The following TMEM178B variants were observed in gnomAD, a reference collection of about 807,000 sequenced individuals.
TMEM178B encodes the protein transmembrane protein 178B.
In TMEM178B, 5 loss-of-function variants were observed where a neutral mutation model predicts 31.0. The observed-to-expected ratio is 0.16, with a 90% CI of 0.08 to 0.34. The LOEUF (loss-of-function observed/expected upper bound fraction) is 0.34. TMEM178B is among the 10% of genes least tolerant of loss of function. The pLI is 1.00. For synonymous variants in TMEM178B, 164 were observed against 164.0 expected, an observed-to-expected ratio of 1.00 and a Z score of 0.00; for missense variants, 275 against 400.3, an observed-to-expected ratio of 0.69 and a Z score of 2.67.
chr7:141,403,721 A>T (rs967121343), intron 2 of TMEM178B, among the ~76,000 whole-genome samples: 8 of 152,218 alleles, frequency 5.3e-5, no homozygotes, highest in African/African-American at 1.9e-4. Context: ...CTCAATCATT[A>T]ATAGCTAGTC....
the TMEM178B span, among the ~76,000 whole-genome samples, chr7:141,491,875 C>T: frequency 1.3e-5 from 2 of 152,162 alleles, no homozygotes; most frequent in South Asian, 2.1e-4. Context: ...GCCTCCTCAT[C>T]TCTCCCCTGG....
intron 2 of TMEM178B, among the ~76,000 whole-genome samples, chr7:141,284,854 G>A (rs952761344): frequency 6.6e-6 from 1 of 152,142 alleles, no homozygotes; most frequent in African/African-American, 2.4e-5. Context: ...GAAACTGTGT[G>A]ATCAAAGGGG....
the TMEM178B span, among the ~76,000 whole-genome samples, chr7:141,506,870 G>A: frequency 6.6e-6 from 1 of 152,116 alleles, no homozygotes; most frequent in African/African-American, 2.4e-5. Context: ...ACAGGTATTG[G>A]GTAAATACAG....
rs573374233 is a variant in TMEM178B, at chr7:141,475,266, C to T, written c.*4480C>T. ...AACCCCACCAGAGTTGACATACACACGTGATTCTCGTGTCTGTCTCTCAAA... is the reference window on the plus strand; with the variant it reads ...AACCCCACCAGAGTTGACATACACATGTGATTCTCGTGTCTGTCTCTCAAA... On this transcript the variant is annotated 3_prime_UTR_variant, in exon 4 of 4. Coordinates refer to ENST00000565468, the MANE Select transcript of TMEM178B (RefSeq NM_001195278.2). 2 of 152,276 alleles carry T rather than the reference C, an allele frequency of 1.3e-5. No homozygotes were observed. Among genetic ancestry groups the T allele is most frequent in the East Asian group, 1.9e-4 (1 of 5,178 alleles). The allele number at this position is 152,276 out of a possible 1,614,324, so 9.4% of individuals were successfully genotyped here.
At chr7:141,113,213 T>G (rs1303339306) in intron 1 of TMEM178B, among the ~76,000 whole-genome samples, 2 of 152,128 alleles carry the variant, frequency 1.3e-5, no homozygotes, top group Admixed American at 6.5e-5. Flanking sequence ...CAAGATTGGT[T>G]TTTGGGTTTC....
chr7:141,236,819 C>A (rs377197494), intron 2 of TMEM178B, among the ~76,000 whole-genome samples: 2 of 152,136 alleles, frequency 1.3e-5, no homozygotes, highest in East Asian at 3.9e-4. Flanking sequence ...TAGGTTTGTT[C>A]ACATTCAAAT....
At chr7:141,469,768 C>A (rs1802205988) in intron 3 of TMEM178B, among the ~76,000 whole-genome samples, 1 of 152,172 alleles carries the variant, frequency 6.6e-6, no homozygotes, top group Non-Finnish European at 1.5e-5. Context: ...CCTCTTATAG[C>A]AGTTTTCTTA....
At chr7:141,134,282 C>T (rs1795639594) in intron 1 of TMEM178B, among the ~76,000 whole-genome samples, 2 of 151,812 alleles carry the variant, frequency 1.3e-5, no homozygotes, top group African/African-American at 2.4e-5. Flanking sequence ...AAACCCAACA[C>T]AACAATGTGC....
chr7:141,392,032 G>A (rs1476050500), intron 2 of TMEM178B, among the ~76,000 whole-genome samples: 2 of 151,862 alleles, frequency 1.3e-5, no homozygotes, highest in Non-Finnish European at 2.9e-5. Context: ...TCACTTTTGG[G>A]GGAATATACA....
At chr7:141,110,363 T>C (rs914674892) in intron 1 of TMEM178B, among the ~76,000 whole-genome samples, 4 of 152,226 alleles carry the variant, frequency 2.6e-5, no homozygotes, top group African/African-American at 9.6e-5. Context: ...GAACATATAG[T>C]TACATCAGAA....
Position 141,212,581 on chromosome 7 carries a change from T to A in TMEM178B, c.383-10T>A. 6.5e-7 allele frequency: 1 copy of A among 1,535,108 alleles called. No homozygotes were observed. Among genetic ancestry groups the A allele is most frequent in the Non-Finnish European group, 8.7e-7 (1 of 1,145,948 alleles). Reference sequence around the variant, plus strand: ...TCCTTAACATTTTGTTTCCTGTTTCTCTTTTCTAGGAGAAATTGAGCGATG... The same window carrying A: ...TCCTTAACATTTTGTTTCCTGTTTCACTTTTCTAGGAGAAATTGAGCGATG... On this transcript the variant is annotated splice_polypyrimidine_tract_variant and intron_variant, in intron 1 of 3. Transcript: ENST00000565468.
chr7:141,218,047 A>G (rs997795806), intron 2 of TMEM178B, among the ~76,000 whole-genome samples: 2 of 151,064 alleles, frequency 1.3e-5, no homozygotes, highest in Admixed American at 1.3e-4. Context: ...GTGAGAGACG[A>G]TTTCCCCTCC....
intron 2 of TMEM178B, among the ~76,000 whole-genome samples, chr7:141,425,480 C>T (rs1801295777): frequency 6.6e-6 from 1 of 152,166 alleles, no homozygotes; most frequent in Non-Finnish European, 1.5e-5. Flanking sequence ...AGCCAGAGGA[C>T]AGAGAACCAG....
At chr7:141,112,812 A>G (rs1795255698) in intron 1 of TMEM178B, among the ~76,000 whole-genome samples, 1 of 152,182 alleles carries the variant, frequency 6.6e-6, no homozygotes, top group African/African-American at 2.4e-5. Context: ...TTTGTTCTGC[A>G]AATAGCCACT....
intron 1 of TMEM178B, among the ~76,000 whole-genome samples, chr7:141,105,832 T>C (rs1795135768): frequency 1.2e-4 from 19 of 152,018 alleles, no homozygotes; most frequent in Admixed American, 1.2e-3. Flanking sequence ...TGGTGGCTCA[T>C]GCCTGTAATC....
At chr7:141,350,566 A>G (rs572677382) in intron 2 of TMEM178B, among the ~76,000 whole-genome samples, 1 of 152,170 alleles carries the variant, frequency 6.6e-6, no homozygotes, top group African/African-American at 2.4e-5. Context: ...ATCTCCTAAC[A>G]TAGCAGTGAG....
intron 2 of TMEM178B, among the ~76,000 whole-genome samples, chr7:141,242,774 C>T (rs1326459050): frequency 2.6e-5 from 4 of 151,966 alleles, no homozygotes; most frequent in East Asian, 3.9e-4. Flanking sequence ...AACTCCTAAC[C>T]GCAAGTGATT....
chr7:141,249,743 G>A (rs994232607), intron 2 of TMEM178B, among the ~76,000 whole-genome samples: 1 of 152,156 alleles, frequency 6.6e-6, no homozygotes. Context: ...CTCTAAATGG[G>A]AAGCTTATCT....
At chr7:141,203,211 C>T (rs988465241) in intron 1 of TMEM178B, among the ~76,000 whole-genome samples, 2 of 152,214 alleles carry the variant, frequency 1.3e-5, no homozygotes, top group Admixed American at 6.5e-5. Flanking sequence ...AAATCTCTAA[C>T]TGGTTTTGTC....
Sources: gnomAD v4.1 joint callset for allele counts (sites outside exome capture counted in the v4.1 genomes callset) on GRCh38, gnomAD v4.1.1 for gene constraint, MANE v1.5 for transcripts, NCBI Gene and HGNC (gene_info 2026-07-23, HGNC 2026-07-21) for gene names.